The following AGMO variants were observed in gnomAD, a reference collection of about 807,000 sequenced individuals.
AGMO encodes the protein alkylglycerol monooxygenase.
A neutral mutation model predicts 60.2 loss-of-function variants in AGMO; 75 were observed. That is an observed-to-expected ratio of 1.25 (90% CI 1.03 to 1.51). AGMO has a LOEUF of 1.51. Among genes scored for constraint, AGMO ranks in the 40% most tolerant of loss-of-function variants. The pLI, the probability that AGMO is intolerant of heterozygous loss-of-function variation, is 0.00. For missense variants in AGMO, 763 were observed against 525.5 expected, an observed-to-expected ratio of 1.45 and a Z score of -4.42; for synonymous variants, 261 against 177.1, an observed-to-expected ratio of 1.47 and a Z score of -3.76.
intron 12 of AGMO, among the ~76,000 whole-genome samples, chr7:15,237,967 T>C (rs1374602165): frequency 6.6e-6 from 1 of 152,074 alleles, no homozygotes. Context: ...CCAGTTTCTG[T>C]GGGAAGGTAG....
At chr7:15,283,449 A>C (rs1277408255) in intron 12 of AGMO, among the ~76,000 whole-genome samples, 3 of 152,078 alleles carry the variant, frequency 2.0e-5, no homozygotes, top group Non-Finnish European at 2.9e-5. Context: ...ATATCTGATC[A>C]AAAAGACATG....
At position 15,366,186 on chromosome 7, in the gene AGMO, A is replaced by C. The variant is rs148468381; in HGVS notation, c.1111T>G (p.Phe371Val). 2.7e-4 allele frequency: 442 copies of C among 1,609,296 alleles called. 3 individuals carry two copies. The highest frequency in any genetic ancestry group is 4.1e-5 in the Non-Finnish European group (48 of 1,177,306). Residue 371 changes from phenylalanine (F) to valine (V), a missense_variant, in exon 11 of 13, where the codon TTC (phenylalanine) becomes GTC (valine). By Grantham distance (50) the Phe-to-Val change is conservative. Coordinates refer to ENST00000342526, the MANE Select transcript of AGMO (RefSeq NM_001004320.2). ...SQVTLLLRVCFIILTLTSIGF... is the reference protein window; with the variant it reads ...SQVTLLLRVCVIILTLTSIGF... The stretch of plus-strand genomic sequence containing the variant: ...ATGGAAGTCAAGGTCAGGATAATGA[A>C]GCAAACCCTCAGAAGGAGAGTAACT...
At chr7:15,305,682 T>C (rs1319563360) in intron 12 of AGMO, among the ~76,000 whole-genome samples, 1 of 152,016 alleles carries the variant, frequency 6.6e-6, no homozygotes, top group African/African-American at 2.4e-5. Context: ...ATCTGGATTT[T>C]ACTGTAGACA....
At chr7:15,365,408 C>A in intron 12 of AGMO, 106 bp downstream of exon 12, 1 of 254,358 alleles carries the variant, frequency 3.9e-6, no homozygotes. Context: ...TCAAGATTTC[C>A]CACATGTACT....
chr7:15,430,644 A>AAAC (rs1554271307), intron 4 of AGMO, among the ~76,000 whole-genome samples: 26 of 144,420 alleles, frequency 1.8e-4, no homozygotes, highest in African/African-American at 5.6e-4. Flanking sequence ...AAAAAAAAAA[A>AAAC]AACTGGTAAA....
At chr7:15,228,980 C>A (rs932177160) in intron 12 of AGMO, among the ~76,000 whole-genome samples, 2 of 152,076 alleles carry the variant, frequency 1.3e-5, no homozygotes, top group Non-Finnish European at 2.9e-5. Context: ...TGAGCAGCTG[C>A]TTTCAGGATT....
rs192486489 is a variant in AGMO at position 15,547,733 on chromosome 7, T to G, written c.258-2810A>C. ...TCAAACTGCAAGGCGGCAGCGAGGC[T>G]GGGGGAGGGGCGCCCGCCATTGCCC... On this transcript the variant is annotated intron_variant, in intron 2 of 12. Transcript: ENST00000342526. Among the ~76,000 whole-genome samples the G allele has an allele frequency of 3.3e-5, 5 of 151,622 alleles. No homozygotes were observed. In the East Asian group the frequency reaches 5.8e-4, roughly 18 times the overall value.
At chr7:15,417,529 T>C (rs1400805494) in intron 5 of AGMO, among the ~76,000 whole-genome samples, 1 of 152,210 alleles carries the variant, frequency 6.6e-6, no homozygotes, top group Non-Finnish European at 1.5e-5. Flanking sequence ...TTAAACAAAT[T>C]TGGTCTTTGA....
intron 12 of AGMO, among the ~76,000 whole-genome samples, chr7:15,262,141 G>C (rs1009814645): frequency 2.0e-5 from 3 of 152,034 alleles, no homozygotes; most frequent in African/African-American, 7.2e-5. Flanking sequence ...AGAGCAATCA[G>C]ACAAGAGAAG....
intron 3 of AGMO, among the ~76,000 whole-genome samples, chr7:15,535,798 G>A (rs1224949719): frequency 1.3e-5 from 2 of 151,862 alleles, no homozygotes; most frequent in Non-Finnish European, 2.9e-5. Context: ...AAACAATTCA[G>A]TTATACTCTT....
chr7:15,390,370 C>T (rs1784085643), intron 8 of AGMO, among the ~76,000 whole-genome samples: 1 of 152,124 alleles, frequency 6.6e-6, no homozygotes, highest in Admixed American at 6.5e-5. Context: ...TACTATTGCT[C>T]CTACTGAATA....
chr7:15,274,880 G>C (rs1461555915), intron 12 of AGMO, among the ~76,000 whole-genome samples: 1 of 150,494 alleles, frequency 6.6e-6, no homozygotes, highest in Non-Finnish European at 1.5e-5. Flanking sequence ...TTTTTTTTCT[G>C]TGGTATCAGT....
intron 3 of AGMO, among the ~76,000 whole-genome samples, chr7:15,480,149 G>A (rs964139445): frequency 1.3e-5 from 2 of 152,074 alleles, no homozygotes; most frequent in Admixed American, 1.3e-4. Flanking sequence ...AGTTACTTCC[G>A]AGATAGGAAT....
chr7:15,475,982 A>C (rs966137563), intron 3 of AGMO, among the ~76,000 whole-genome samples: 1 of 152,078 alleles, frequency 6.6e-6, no homozygotes, highest in Non-Finnish European at 1.5e-5. Context: ...GAGCATCAGC[A>C]ATGCATTGGA....
downstream of AGMO, among the ~76,000 whole-genome samples, chr7:15,198,245 GAGAGAGAGAGAC>G (rs1421628591): frequency 0.025 from 2,363 of 94,296 alleles, 137 homozygotes; most frequent in African/African-American, 0.12. Flanking sequence ...GAGAGAGAGA[GAGAGAGAGAGAC>G]AGAGACAGAG....
intron 3 of AGMO, among the ~76,000 whole-genome samples, chr7:15,439,493 G>C (rs1006207995): frequency 1.3e-5 from 2 of 152,076 alleles, no homozygotes; most frequent in Non-Finnish European, 2.9e-5. Flanking sequence ...TTTGTACTCT[G>C]CCCCTTGCCT....
the AGMO span, among the ~76,000 whole-genome samples, chr7:15,161,100 G>T: frequency 2.0e-5 from 3 of 152,158 alleles, no homozygotes; most frequent in Non-Finnish European, 4.4e-5. Context: ...TGAGGGCAGA[G>T]CCCTCATAGC....
chr7:15,466,230 A>C (rs1018704178), intron 3 of AGMO, among the ~76,000 whole-genome samples: 1 of 152,200 alleles, frequency 6.6e-6, no homozygotes, highest in East Asian at 1.9e-4. Context: ...TTATTCTGAC[A>C]TACAAGTGTA....
chr7:15,139,669 G>A, the AGMO span, among the ~76,000 whole-genome samples: 1 of 151,746 alleles, frequency 6.6e-6, no homozygotes, highest in Non-Finnish European at 1.5e-5. Context: ...TAGGGGCAAG[G>A]AGTTGGTACA....
Sources: allele counts gnomAD v4.1 joint callset (sites outside exome capture counted in the v4.1 genomes callset), GRCh38; gene constraint gnomAD v4.1.1; transcripts MANE v1.5; gene names NCBI Gene and HGNC (gene_info 2026-07-23, HGNC 2026-07-21).